The following SACS variants were observed in gnomAD, a reference collection of about 807,000 sequenced individuals.
SACS encodes sacsin molecular chaperone, also known as sacsin.
A neutral mutation model predicts 348.0 loss-of-function variants in SACS; 197 were observed. The observed-to-expected ratio is 0.57, with a 90% CI of 0.50 to 0.64. The LOEUF is 0.64. SACS is among the 30% of genes least tolerant of loss of function. SACS has a pLI of 0.00. For missense variants in SACS, 4,999 were observed against 5,360.8 expected, an observed-to-expected ratio of 0.93 and a Z score of 2.11; for synonymous variants, 1,985 against 1,910.6, an observed-to-expected ratio of 1.04 and a Z score of -1.02.
intron 2 of SACS, among the ~76,000 whole-genome samples, chr13:23,383,663 C>G (rs1872158977): frequency 6.6e-6 from 1 of 152,106 alleles, no homozygotes; most frequent in African/African-American, 2.4e-5. Flanking sequence ...ATTCAAATGT[C>G]ACTTCAAAAT....
chr13:23,353,788 G>A lies in SACS; in HGVS notation c.2182C>T (p.Arg728Ter), dbSNP rs752059006. ...AAAGAATACTAAACTATAATACCTC[G>A]GGTTTGGGCAGCTTCCTTTAAAGCA... ...VAALKEAAQT[R>*]GRPCTQLQLL... Residue 728 changes from arginine to a stop codon, truncating the protein, a stop_gained, in exon 9 of 10, where the codon CGA becomes TGA. Transcript: ENST00000382292. LOFTEE classifies it high-confidence loss of function. 10 of 1,563,026 alleles carry A rather than the reference G, an allele frequency of 6.4e-6. No individual in the cohort carries two copies. The highest frequency in any genetic ancestry group is 2.2e-5 in the East Asian group (1 of 44,568).
chr13:23,356,926 T>C (rs768041942), intron 7 of SACS, among the ~76,000 whole-genome samples: 1 of 152,216 alleles, frequency 6.6e-6, no homozygotes, highest in Non-Finnish European at 1.5e-5. Context: ...ACCAACCACA[T>C]GGCTAAATCC....
In SACS at chr13:23,334,868, C is replaced by T; in HGVS notation, c.9008G>A (p.Gly3003Asp). 1.2e-6 allele frequency: 2 copies of T among 1,613,766 alleles called. No homozygotes were observed. The highest frequency in any genetic ancestry group is 1.7e-6 in the Non-Finnish European group (2 of 1,179,812). The change falls in exon 10 of 10, where the codon GGC becomes GAC. Residue 3003 changes from glycine (G) to aspartate (D), a missense_variant. Physicochemically the swap from Gly to Asp is moderately conservative, Grantham distance 94. This residue lies in a region of SACS where 734 missense variants were observed against 694.0 expected (regional missense o/e 1.06). Transcript: ENST00000382292. ...LPVVRAPNID[G>D]SDLHSAVIIT... ...TATAACTGCAGAGTGCAAGTCAGAGCCATCAATATTTGGAGCCCGCACAAC... is the reference window on the plus strand; with the variant it reads ...TATAACTGCAGAGTGCAAGTCAGAGTCATCAATATTTGGAGCCCGCACAAC...
In SACS at chr13:23,337,120, A is replaced by G; in HGVS notation, c.6756T>C (p.Asp2252=). The stretch of plus-strand genomic sequence containing the variant: ...GAATTGGTTGCAAAAGACAAACTAT[A>G]TCTTGATGTTCAGCTGTATAAAGGT... ...ATDLYTAEHQ[D]IVCLLQPILN... is the part of the protein sequence containing the mutation. The change falls in exon 10 of 10, where the codon GAT becomes GAC. Residue 2252 remains aspartate (D), a synonymous_variant. Transcript: ENST00000382292. 1 of 1,614,026 alleles carries G rather than the reference A, an allele frequency of 6.2e-7. No homozygotes were observed. The highest frequency in any genetic ancestry group is 8.5e-7 in the Non-Finnish European group (1 of 1,179,912).
At chr13:23,382,150 CTTTTTGT>C (rs1251422388) in intron 2 of SACS, among the ~76,000 whole-genome samples, 1 of 152,110 alleles carries the variant, frequency 6.6e-6, no homozygotes, top group African/African-American at 2.4e-5. Flanking sequence ...GGTTTTTTTG[CTTTTTGT>C]TTTTTGTTTT....
chr13:23,375,029 C>T, intron 3 of SACS, 90 bp downstream of exon 3: 1 of 1,272,746 alleles, frequency 7.9e-7, no homozygotes, highest in Non-Finnish European at 1.0e-6. Flanking sequence ...GCGCCGCCCG[C>T]GGAAACCTGC....
intron 2 of SACS, among the ~76,000 whole-genome samples, chr13:23,388,936 CAGAA>C (rs1243325968): frequency 9.9e-5 from 15 of 151,900 alleles, no homozygotes; most frequent in Admixed American, 9.8e-4. Flanking sequence ...ACCAAAGAAT[CAGAA>C]ACCAAAAGAA....
At chr13:23,390,405 A>C (rs1404270091) in intron 2 of SACS, among the ~76,000 whole-genome samples, 1 of 152,190 alleles carries the variant, frequency 6.6e-6, no homozygotes, top group Non-Finnish European at 1.5e-5. Flanking sequence ...CACACTTGTA[A>C]TCCCAGCACT....
intron 1 of SACS, among the ~76,000 whole-genome samples, chr13:23,424,699 C>G (rs1345983379): frequency 6.6e-6 from 1 of 152,092 alleles, no homozygotes; most frequent in African/African-American, 2.4e-5. Context: ...TTTGTAGAAT[C>G]TCAGATATGA....
chr13:23,352,368 T>C lies in SACS; in HGVS notation c.2185+1417A>G, dbSNP rs867216492. On this transcript the variant is annotated intron_variant, in intron 9 of 9. Transcript: ENST00000382292. ...AATATATGCCACATGGCTCCTTCTA[T>C]ACAAAGCATGATTAACTAGCAAAGT... 1.4e-4 allele frequency among the ~76,000 whole-genome samples: 21 copies of C among 152,334 alleles called. 1 individual carries two copies. The highest frequency in any genetic ancestry group is 5.1e-4 in the African/African-American group (21 of 41,580).
At chr13:23,341,821 C>G in intron 9 of SACS, 131 bp from the exon 10 acceptor site, 1 of 781,042 alleles carries the variant, frequency 1.3e-6, no homozygotes, top group Non-Finnish European at 1.9e-6. Flanking sequence ...GAGTCTTGCT[C>G]TGTCGCCCAG....
chr13:23,375,088 G>A (rs2137839452), intron 3 of SACS, 31 bp downstream of exon 3: 3 of 1,475,284 alleles, frequency 2.0e-6, no homozygotes, highest in Non-Finnish European at 2.7e-6. Flanking sequence ...GCGTGGCGGA[G>A]CCCAGCCCAG....
intron 6 of SACS, among the ~76,000 whole-genome samples, chr13:23,363,868 A>G (rs561671017): frequency 1.8e-4 from 28 of 152,294 alleles, no homozygotes; most frequent in African/African-American, 6.3e-4. Context: ...GGGCAGTACA[A>G]TGGGGTAGTA....
intron 2 of SACS, among the ~76,000 whole-genome samples, chr13:23,389,940 A>G (rs188268303): frequency 6.6e-6 from 1 of 152,366 alleles, no homozygotes; most frequent in East Asian, 1.9e-4. Context: ...TCACAATAAT[A>G]TGCGACCACT....
At chr13:23,368,543 C>CA in intron 4 of SACS, 56 bp from the exon 5 acceptor site, 1 of 1,249,104 alleles carries the variant, frequency 8.0e-7, no homozygotes, top group Non-Finnish European at 1.2e-6. Flanking sequence ...TGAATTGTCA[C>CA]CAATGTGTGA....
intron 1 of SACS, among the ~76,000 whole-genome samples, chr13:23,430,904 G>A (rs776151045): frequency 3.3e-5 from 5 of 152,102 alleles, no homozygotes; most frequent in African/African-American, 9.7e-5. Flanking sequence ...GTTTCACATC[G>A]TCGTCAATTT....
chr13:23,333,029 C>G lies in SACS; in HGVS notation c.10847G>C (p.Trp3616Ser), dbSNP rs1365858851. ...EISVRANTEN[W>S]SKETLQNTVD... The stretch of plus-strand genomic sequence containing the variant: ...TGTATTTTGCAATGTTTCTTTGGAC[C>G]AGTTTTCTGTATTAGCCCTCACACT... The change falls in exon 10 of 10, where the codon TGG becomes TCG. Residue 3616 changes from tryptophan to serine, a missense_variant. Coordinates refer to ENST00000382292, the MANE Select transcript of SACS (RefSeq NM_014363.6). 6.2e-7 allele frequency: 1 copy of G among 1,613,760 alleles called. No individual in the cohort carries two copies.
chr13:23,389,174 A>G lies in SACS; in HGVS notation c.21-13905T>C, dbSNP rs1406065763. 2.7e-5 allele frequency among the ~76,000 whole-genome samples: 4 copies of G among 150,804 alleles called. No homozygotes were observed. In the South Asian group the frequency reaches 8.5e-4, roughly 32 times the overall value. ...AGCTAAAACATATATGTGTGTGTAT[A>G]TATATATGTGTGTATGTGTGTGTGT... On this transcript the variant is annotated intron_variant, in intron 2 of 9. Transcript: ENST00000382292.
At chr13:23,381,458 A>G (rs938279373) in intron 2 of SACS, among the ~76,000 whole-genome samples, 3 of 151,852 alleles carry the variant, frequency 2.0e-5, no homozygotes, top group South Asian at 2.1e-4. Context: ...ACAGGCAAAC[A>G]CTCCTACTAG....
Sources: gnomAD v4.1 joint callset for allele counts (sites outside exome capture counted in the v4.1 genomes callset) on GRCh38, gnomAD v4.1.1 for gene constraint, gnomAD v4.1.1 regional missense constraint, MANE v1.5 for transcripts, NCBI Gene and HGNC (gene_info 2026-07-23, HGNC 2026-07-21) for gene names.